CACNB3: variants seen among roughly 807,000 people sequenced by gnomAD.
CACNB3 encodes the protein calcium voltage-gated channel auxiliary subunit beta 3, also known as voltage-dependent L-type calcium channel subunit beta-3.
In CACNB3, 36 loss-of-function variants were observed where a neutral mutation model predicts 63.7. That is an observed-to-expected ratio of 0.57 (90% CI 0.43 to 0.75). CACNB3 has a LOEUF of 0.75. Among genes scored for constraint, CACNB3 ranks in the 30% least tolerant of loss-of-function variants. CACNB3 has a pLI of 0.00. For synonymous variants in CACNB3, 241 were observed against 250.6 expected (o/e 0.96, Z 0.36); for missense variants, 493 against 648.6 (o/e 0.76, Z 2.61).
chr12:48,815,615 G>A (rs1292340436), upstream of CACNB3: 7 of 1,533,074 alleles, frequency 4.6e-6, no homozygotes, highest in Non-Finnish European at 6.1e-6. Flanking sequence ...AGCGTGCAGA[G>A]CAGCGGCCGG....
At chr12:48,815,437 T>A (rs867980925), upstream of CACNB3, 3 of 800,878 alleles carry the variant, frequency 3.7e-6, 1 homozygote, top group Middle Eastern at 3.8e-4. Flanking sequence ...GGAGAGAGGC[T>A]GGGCTGAAAG....
intron 5 of CACNB3, 94 bp downstream of exon 5, chr12:48,824,827 T>C (rs1938043506): frequency 2.6e-6 from 4 of 1,531,978 alleles, no homozygotes; most frequent in Non-Finnish European, 1.8e-6. Flanking sequence ...GTGGGAAGGG[T>C]TTGTGGAGGG....
rs138629372 is a variant in CACNB3 at position 48,821,931 on chromosome 12, G to T, written c.46-1413G>T. ...TCTTTAGCCTAAGGCTCGAGAGCCT[G>T]GGCTGACCCCTAGCTGAACAGCCCT... On this transcript the variant is annotated intron_variant, in intron 1 of 12. Transcript: ENST00000301050. Among the ~76,000 whole-genome samples the T allele has an allele frequency of 1.7e-3, 266 of 152,304 alleles. 5 individuals are homozygous for T. The highest frequency in any genetic ancestry group is 5.9e-3 in the African/African-American group (245 of 41,556).
Position 48,828,576 on chromosome 12 carries a change from C to T in CACNB3, c.*677C>T, listed in dbSNP as rs2137473651. The T allele has an allele frequency of 2.3e-6, 1 of 433,032 alleles. No individual in the cohort carries two copies. The allele number at this position is 433,032 out of a possible 1,614,324, so 26.8% of individuals were successfully genotyped here. A position where few individuals can be genotyped will look rare whatever the true frequency, so the allele number is the denominator to read the frequency against. ...GAAGCTTCTTAACATGTGACAGGAC[C>T]AGGGACCAGGAGCATGGTGAAGCCA... On this transcript the variant is annotated 3_prime_UTR_variant, in exon 13 of 13. Transcript: ENST00000301050.
intron 3 of CACNB3, 103 bp from the exon 4 acceptor site, chr12:48,824,155 C>A: frequency 1.0e-6 from 1 of 986,514 alleles, no homozygotes; most frequent in Non-Finnish European, 1.5e-6. Context: ...TTGCATTCCT[C>A]AGACCAGCTC....
At chr12:48,815,697 C>T, upstream of CACNB3, 1 of 1,517,824 alleles carries the variant, frequency 6.6e-7, no homozygotes, top group Non-Finnish European at 8.8e-7. Context: ...ATGTCTTTTT[C>T]TGACTCCAGT....
chr12:48,825,647 A>G lies in CACNB3; in HGVS notation c.633-13A>G. On this transcript the variant is annotated splice_polypyrimidine_tract_variant and intron_variant, in intron 8 of 12. Transcript: ENST00000301050. The surrounding 1 kb of genome is among the most constrained non-coding windows in gnomAD (Gnocchi z 4.5). ...GTTTAGAAGCAAGCTGTGATTCTCC[A>G]CTCCCACCCCAGGATCTCCATCACC... is the stretch of plus-strand genomic sequence containing the variant. The G allele has an allele frequency of 1.2e-6, 2 of 1,607,292 alleles. No individual in the cohort carries two copies. The highest frequency in any genetic ancestry group is 2.2e-5 in the East Asian group (1 of 44,832).
upstream of CACNB3, chr12:48,815,734 C>CTGCTGAACGAG: frequency 1.7e-6 from 1 of 604,380 alleles, no homozygotes; most frequent in Non-Finnish European, 2.5e-6. Flanking sequence ...ACGAGGTAAC[C>CTGCTGAACGAG]GTGGGGGGGG....
Position 48,823,298 on chromosome 12 carries a change from T to A in CACNB3, c.46-46T>A. On this transcript the variant is annotated intron_variant, in intron 1 of 12. Transcript: ENST00000301050. The surrounding 1 kb of genome is among the most constrained non-coding windows in gnomAD (Gnocchi z 4.2). ...AGGTGAGGAGGGTGCCTCCATGGCA[T>A]CCTTCATGCCGGAGCCTGGGAGTCA... is the stretch of plus-strand genomic sequence containing the variant. The A allele has an allele frequency of 2.5e-6, 4 of 1,601,346 alleles. No homozygotes were observed. Among genetic ancestry groups the A allele is most frequent in the Non-Finnish European group, 3.4e-6 (4 of 1,173,636 alleles).
rs752369498 is a variant in CACNB3, at chr12:48,823,455, G to A, written c.157G>A (p.Glu53Lys). The stretch of plus-strand genomic sequence containing the variant: ...AGAGAGCCAGGCTCAGCAGCAGCTC[G>A]AAAGGGCCAAGGTATACTTTCTGGG... ...EVESQAQQQL[E>K]RAKHKPVAFA... The change falls in exon 2 of 13, where the codon GAA becomes AAA. Residue 53 changes from glutamate (E) to lysine (K), a missense_variant. By Grantham distance (56) the Glu-to-Lys change is moderately conservative (BLOSUM62 1). Coordinates refer to ENST00000301050, the MANE Select transcript of CACNB3 (RefSeq NM_000725.4). The surrounding 1 kb of genome is among the most constrained non-coding windows in gnomAD (Gnocchi z 4.2). 2.9e-5 allele frequency: 47 copies of A among 1,613,900 alleles called. No individual in the cohort carries two copies. Among genetic ancestry groups the A allele is most frequent in the Non-Finnish European group, 3.8e-5 (45 of 1,179,972 alleles).
chr12:48,827,874 G>C lies in CACNB3; in HGVS notation c.1430G>C (p.Arg477Pro). Reference protein sequence around the residue: ...NHSDRNWQRNRPWPKDSY With the variant: ...NHSDRNWQRNPPWPKDSY ...AGTGACCGGAACTGGCAGCGCAACC[G>C]GCCTTGGCCCAAGGATAGCTACTGA... The change falls in exon 13 of 13, where the codon CGG becomes CCG. Residue 477 changes from arginine to proline, a missense_variant. Physicochemically the swap from Arg to Pro is moderately radical, Grantham distance 103 (BLOSUM62 -2). Transcript: ENST00000301050. 5.6e-6 allele frequency: 9 copies of C among 1,613,838 alleles called. No homozygotes were observed. The highest frequency in any genetic ancestry group is 7.6e-6 in the Non-Finnish European group (9 of 1,179,814).
chr12:48,826,626 C>T lies in CACNB3; in HGVS notation c.894+108C>T, dbSNP rs1052868109. Reference sequence around the variant, plus strand: ...GCACCTGAGTTCCCTTTTCCTGCTGCCCTTAACACAACTCTGAGTCATCCT... The same window carrying T: ...GCACCTGAGTTCCCTTTTCCTGCTGTCCTTAACACAACTCTGAGTCATCCT... On this transcript the variant is annotated intron_variant, in intron 10 of 12. Coordinates refer to ENST00000301050, the MANE Select transcript of CACNB3 (RefSeq NM_000725.4). This position sits in a 1 kb window ranked among gnomAD's most constrained non-coding sequence, Gnocchi z 4.8. 6 of 1,466,424 alleles carry T rather than the reference C, an allele frequency of 4.1e-6. No homozygotes were observed. The African/African-American group carries it at 7.0e-5, about 17-fold the overall frequency. The allele number at this position is 1,466,424 out of a possible 1,614,324, so 90.8% of individuals were successfully genotyped here.
At position 48,818,522 on chromosome 12, in the gene CACNB3, C is replaced by G; in HGVS notation, c.-408C>G. The G allele has an allele frequency of 2.0e-6, 2 of 1,013,310 alleles. No individual in the cohort carries two copies. Among genetic ancestry groups the G allele is most frequent in the South Asian group, 8.4e-5 (2 of 23,670 alleles). The allele number at this position is 1,013,310 out of a possible 1,614,324, so 62.8% of individuals were successfully genotyped here. ...CCCTTCCTCCCCGCCGCCACGGCCCCGTAGGTGCTCGGGGACCCACCTTCC... is the reference window on the plus strand; with the variant it reads ...CCCTTCCTCCCCGCCGCCACGGCCCGGTAGGTGCTCGGGGACCCACCTTCC... On this transcript the variant is annotated 5_prime_UTR_variant, in exon 1 of 13. Transcript: ENST00000301050. This position sits in a 1 kb window ranked among gnomAD's most constrained non-coding sequence, Gnocchi z 4.3.
At position 48,826,391 on chromosome 12, in the gene CACNB3, G is replaced by A. The variant is rs781661766; in HGVS notation, c.767G>A (p.Arg256His). The change falls in exon 10 of 13, where the codon CGC (arginine) becomes CAC (histidine). Residue 256 changes from arginine to histidine, a missense_variant. Coordinates refer to ENST00000301050, the MANE Select transcript of CACNB3 (RefSeq NM_000725.4). The surrounding 1 kb of genome is among the most constrained non-coding windows in gnomAD (Gnocchi z 4.8). ...GCGGAAGTGCAGAGTGAGATCGAGC[G>A]CATATTTGAGCTGGCCAAATCCCTG... ...SIAEVQSEIERIFELAKSLQL... is the reference protein window; with the variant it reads ...SIAEVQSEIEHIFELAKSLQL... 8.7e-6 allele frequency: 14 copies of A among 1,613,998 alleles called. No individual in the cohort carries two copies. Among genetic ancestry groups the A allele is most frequent in the South Asian group, 6.6e-5 (6 of 91,092 alleles).
chr12:48,818,947 C>T lies in CACNB3; in HGVS notation c.18C>T (p.Tyr6=), dbSNP rs1430335701. 6.2e-6 allele frequency: 10 copies of T among 1,602,912 alleles called. No homozygotes were observed. The highest frequency in any genetic ancestry group is 1.3e-5 in the African/African-American group (1 of 74,564). The change falls in exon 1 of 13, where the codon TAC becomes TAT. Residue 6 remains tyrosine, a synonymous_variant. Coordinates refer to ENST00000301050, the MANE Select transcript of CACNB3 (RefSeq NM_000725.4). The surrounding 1 kb of genome is among the most constrained non-coding windows in gnomAD (Gnocchi z 4.3). ...ACTCCCCCATGTATGACGACTCCTA[C>T]GTGCCCGGGTTTGAGGACTCGGAGG... The part of the protein sequence containing the change: MYDDS[Y]VPGFEDSEAG...
chr12:48,823,971 C>T lies in CACNB3; in HGVS notation c.291+168C>T, dbSNP rs1319040424. On this transcript the variant is annotated intron_variant, in intron 3 of 12. Coordinates refer to ENST00000301050, the MANE Select transcript of CACNB3 (RefSeq NM_000725.4). The surrounding 1 kb of genome is among the most constrained non-coding windows in gnomAD (Gnocchi z 4.2). ...ATATCTAAGATCTCATCCCCAGGGT[C>T]TCCATCCTTCTGAGACCTGGCTTGG... 1.1e-6 allele frequency: 1 copy of T among 876,010 alleles called. No homozygotes were observed. The highest frequency in any genetic ancestry group is 1.7e-6 in the Non-Finnish European group (1 of 580,976). 54.3% of individuals were successfully genotyped at this position (876,010 alleles called of 1,614,324 possible). A position where few individuals can be genotyped will look rare whatever the true frequency, so the allele number is the denominator to read the frequency against.
rs778462533 is a variant in CACNB3, at chr12:48,826,737, T to C, written c.895-22T>C. ...CCAGAGTCCTGAGAGACTCCAGGCC[T>C]AGCTCTGCCCTCCCCGCTCAGGTAC... On this transcript the variant is annotated intron_variant, in intron 10 of 12. Coordinates refer to ENST00000301050, the MANE Select transcript of CACNB3 (RefSeq NM_000725.4). The surrounding 1 kb of genome is among the most constrained non-coding windows in gnomAD (Gnocchi z 4.8). 1.9e-6 allele frequency: 3 copies of C among 1,599,828 alleles called. No homozygotes were observed. Among genetic ancestry groups the C allele is most frequent in the South Asian group, 1.1e-5 (1 of 90,784 alleles).
Position 48,823,946 on chromosome 12 carries a change from A to G in CACNB3, c.291+143A>G, listed in dbSNP as rs1360485515. The G allele has an allele frequency of 8.1e-5, 84 of 1,042,224 alleles. No individual in the cohort carries two copies. The East Asian group carries it at 2.1e-3, about 26-fold the overall frequency. 64.6% of individuals were successfully genotyped at this position (1,042,224 alleles called of 1,614,324 possible). Reference sequence around the variant, plus strand: ...CTTAACACACACCTGTCCACCCCTCATATCTAAGATCTCATCCCCAGGGTC... The same window carrying G: ...CTTAACACACACCTGTCCACCCCTCGTATCTAAGATCTCATCCCCAGGGTC... On this transcript the variant is annotated intron_variant, in intron 3 of 12. Transcript: ENST00000301050. The surrounding 1 kb of genome is among the most constrained non-coding windows in gnomAD (Gnocchi z 4.2).
At position 48,818,678 on chromosome 12, in the gene CACNB3, CCAGATTCCT is replaced by C; in HGVS notation, c.-248_-240del. 8.2e-7 allele frequency: 1 copy of C among 1,224,616 alleles called. No individual in the cohort carries two copies. Among genetic ancestry groups the C allele is most frequent in the African/African-American group, 1.6e-5 (1 of 62,152 alleles). 75.9% of individuals were successfully genotyped at this position (1,224,616 alleles called of 1,614,324 possible). A position where few individuals can be genotyped will look rare whatever the true frequency, so the allele number is the denominator to read the frequency against. ...GGCACTATTGTTGTAGGAGCCGGCG[CCAGATTCCT>C]CAGCCGCGCTCGGGGTGGGACCGGC... On this transcript the variant is annotated 5_prime_UTR_variant, in exon 1 of 13. Coordinates refer to ENST00000301050, the MANE Select transcript of CACNB3 (RefSeq NM_000725.4). The surrounding 1 kb of genome is among the most constrained non-coding windows in gnomAD (Gnocchi z 4.3).
Sources: gnomAD v4.1 joint callset for allele counts (sites outside exome capture counted in the v4.1 genomes callset) on GRCh38, gnomAD v4.1.1 for gene constraint, Gnocchi (gnomAD v3.1) non-coding constraint, MANE v1.5 for transcripts, NCBI Gene and HGNC (gene_info 2026-07-23, HGNC 2026-07-21) for gene names.